B9D2: variants seen among roughly 807,000 people sequenced by gnomAD.
B9D2 encodes B9 domain-containing protein 2.
A neutral mutation model predicts 19.2 loss-of-function variants in B9D2; 21 were observed. The observed-to-expected ratio is 1.09, with a 90% CI of 0.78 to 1.58. The LOEUF (loss-of-function observed/expected upper bound fraction) is 1.58. Among genes scored for constraint, B9D2 ranks in the 40% most tolerant of loss-of-function variants. B9D2 has a pLI of 0.00. For synonymous variants in B9D2, 91 were observed against 100.6 expected (o/e 0.90, Z 0.57); for missense variants, 221 against 244.3 (o/e 0.90, Z 0.64).
Position 41,354,940 on chromosome 19 carries a change from A to G in B9D2, c.288T>C (p.Phe96=). The G allele has an allele frequency of 6.2e-7, 1 of 1,613,164 alleles. No individual in the cohort carries two copies. Among genetic ancestry groups the G allele is most frequent in the Non-Finnish European group, 8.5e-7 (1 of 1,179,702 alleles). The change falls in exon 4 of 4, where the codon TTT becomes TTC. Residue 96 remains phenylalanine (F), a synonymous_variant. Transcript: ENST00000243578. Reference sequence around the variant, plus strand: ...TGCCCGGGCTACTGGGCACATGGCAAAATCCATAGCCTGCAAGCTGGCAGC... The same window carrying G: ...TGCCCGGGCTACTGGGCACATGGCAGAATCCATAGCCTGCAAGCTGGCAGC... ...FGRCQLAGYG[F]CHVPSSPGTH...
chr19:41,359,951 C>G (rs1382697163), intron 2 of B9D2, among the ~76,000 whole-genome samples: 1 of 152,100 alleles, frequency 6.6e-6, no homozygotes, highest in African/African-American at 2.4e-5. Context: ...CCACTTCTGA[C>G]TCCCCACCTC....
chr19:41,357,229 C>G (rs1056774156), intron 3 of B9D2, among the ~76,000 whole-genome samples: 1 of 152,156 alleles, frequency 6.6e-6, no homozygotes, highest in Non-Finnish European at 1.5e-5. Context: ...CCTGCCCACT[C>G]TGAGGTGCCA....
At chr19:41,356,220 G>C (rs559050759) in intron 3 of B9D2, among the ~76,000 whole-genome samples, 1 of 152,292 alleles carries the variant, frequency 6.6e-6, no homozygotes, top group East Asian at 1.9e-4. Flanking sequence ...GCTGCATGTG[G>C]GGTGCAGACC....
At position 41,363,451 on chromosome 19, in the gene B9D2, G is replaced by A; in HGVS notation, c.69C>T (p.Cys23=). 2 of 1,614,172 alleles carry A rather than the reference G, an allele frequency of 1.2e-6. No individual in the cohort carries two copies. Among genetic ancestry groups the A allele is most frequent in the Non-Finnish European group, 1.7e-6 (2 of 1,180,018 alleles). ...GAATACCTGTGTGAATGCCCCACTT[G>A]CAGAAGAGGCTACTTTCCGAGAAAC... ...ASGFSESSLF[C]KWGIHTGAAW... Residue 23 remains cysteine, a synonymous_variant, in exon 2 of 4, where the codon TGC becomes TGT. Coordinates refer to ENST00000243578, the MANE Select transcript of B9D2 (RefSeq NM_030578.4).
rs565629426 is a variant in B9D2 at position 41,354,930 on chromosome 19, G to A, written c.298C>T (p.Pro100Ser). The A allele has an allele frequency of 6.2e-7, 1 of 1,613,284 alleles. No homozygotes were observed. The highest frequency in any genetic ancestry group is 1.7e-5 in the Admixed American group (1 of 59,970). ...QLAGYGFCHV[P>S]SSPGTHQLAC... Reference sequence around the variant, plus strand: ...AGCTGGTGGGTGCCCGGGCTACTGGGCACATGGCAAAATCCATAGCCTGCA... The same window carrying A: ...AGCTGGTGGGTGCCCGGGCTACTGGACACATGGCAAAATCCATAGCCTGCA... Residue 100 changes from proline to serine, a missense_variant, in exon 4 of 4, where the codon CCC becomes TCC. Transcript: ENST00000243578.
chr19:41,362,593 G>A (rs1020376333), intron 2 of B9D2, among the ~76,000 whole-genome samples: 2 of 152,168 alleles, frequency 1.3e-5, no homozygotes, highest in Middle Eastern at 3.4e-3. Flanking sequence ...GTTGATACTC[G>A]TTTAGTACTC....
chr19:41,356,575 G>A (rs2123129995), intron 3 of B9D2, among the ~76,000 whole-genome samples: 1 of 152,150 alleles, frequency 6.6e-6, no homozygotes, highest in South Asian at 2.1e-4. Flanking sequence ...CAGGCGCGGT[G>A]GCTCATGCCT....
At position 41,362,293 on chromosome 19, in the gene B9D2, G is replaced by A. The variant is rs551967506; in HGVS notation, c.88+1139C>T. The stretch of plus-strand genomic sequence containing the variant: ...TAGTCCCAGCTATGCAGGAGGCTGA[G>A]GCAGGAGAATGGCATGAACCTGGAA... On this transcript the variant is annotated intron_variant, in intron 2 of 3. Coordinates refer to ENST00000243578, the MANE Select transcript of B9D2 (RefSeq NM_030578.4). 2.0e-5 allele frequency among the ~76,000 whole-genome samples: 3 copies of A among 149,526 alleles called. No homozygotes were observed. In the East Asian group the frequency reaches 5.9e-4, roughly 29 times the overall value.
At chr19:41,363,545 C>T (rs748449016) in intron 1 of B9D2, 22 bp from the exon 2 acceptor site, 16 of 1,604,970 alleles carry the variant, frequency 1.0e-5, no homozygotes, top group East Asian at 2.2e-5. Flanking sequence ...AAAATATAAT[C>T]ACAACCCTGT....
intron 3 of B9D2, among the ~76,000 whole-genome samples, chr19:41,356,203 G>T (rs992259109): frequency 2.6e-5 from 4 of 152,164 alleles, no homozygotes; most frequent in Non-Finnish European, 5.9e-5. Flanking sequence ...GTGTTCACAG[G>T]GTCCCAGCTG....
chr19:41,354,786 G>A lies in B9D2; in HGVS notation c.442C>T (p.Arg148Cys), dbSNP rs143135106. Reference sequence around the variant, plus strand: ...GTGCCACCAGCAGCTGTGTGCAGGCGATAGCGGTCGGCCCCACTGTAGATG... The same window carrying A: ...GTGCCACCAGCAGCTGTGTGCAGGCAATAGCGGTCGGCCCCACTGTAGATG... Reference protein sequence around the residue: ...DTIYSGADRYRLHTAAGGTVH... With the variant: ...DTIYSGADRYCLHTAAGGTVH... Residue 148 changes from arginine (R) to cysteine (C), a missense_variant, in exon 4 of 4, where the codon CGC (arginine) becomes TGC (cysteine). Arg to Cys is a radical substitution (Grantham distance 180, BLOSUM62 -3). Coordinates refer to ENST00000243578, the MANE Select transcript of B9D2 (RefSeq NM_030578.4). The A allele has an allele frequency of 5.0e-6, 8 of 1,614,026 alleles. No individual in the cohort carries two copies. Among genetic ancestry groups the A allele is most frequent in the East Asian group, 2.2e-5 (1 of 44,882 alleles).
Position 41,358,079 on chromosome 19 carries a change from C to T in B9D2, c.89-57G>A, listed in dbSNP as rs191089800. On this transcript the variant is annotated intron_variant, in intron 2 of 3. Coordinates refer to ENST00000243578, the MANE Select transcript of B9D2 (RefSeq NM_030578.4). ...GAGGCAGCCATCGGGAAGGGGATGC[C>T]GCTGTGGCTATAGGACTGTTTCTCT... 1,199 of 1,609,854 alleles carry T rather than the reference C, an allele frequency of 7.4e-4. 2 individuals are homozygous for T. The highest frequency in any genetic ancestry group is 1.5e-3 in the Middle Eastern group (9 of 6,050).
rs542079337 is a variant in B9D2, at chr19:41,363,968, T to C, written c.-15A>G. On this transcript the variant is annotated 5_prime_UTR_variant, in exon 1 of 4. Coordinates refer to ENST00000243578, the MANE Select transcript of B9D2 (RefSeq NM_030578.4). ...ATGCGTCATTCCTACCTTAGCGCAC[T>C]TAACGGTTAGGAGAGGAGAAAGCGG... The C allele has an allele frequency of 9.8e-5, 28 of 284,936 alleles. No homozygotes were observed. Among genetic ancestry groups the C allele is most frequent in the African/African-American group, 3.3e-4 (15 of 45,448 alleles). The allele number at this position is 284,936 out of a possible 1,614,324, so 17.7% of individuals were successfully genotyped here.
At position 41,354,715 on chromosome 19, in the gene B9D2, G is replaced by C. The variant is rs143680317; in HGVS notation, c.513C>G (p.Tyr171Ter). Residue 171 changes from tyrosine to a stop codon, truncating the protein, a stop_gained, in exon 4 of 4, where the codon TAC becomes TAG. Transcript: ENST00000243578. LOFTEE classifies it high-confidence loss of function. ...IGLLLRNFDR[Y>*]GVEC Reference sequence around the variant, plus strand: ...GCAGAGTCCCTCAGCACTCCACGCCGTAGCGGTCGAAGTTGCGGAGCAGCA... The same window carrying C: ...GCAGAGTCCCTCAGCACTCCACGCCCTAGCGGTCGAAGTTGCGGAGCAGCA... 3 of 1,614,022 alleles carry C rather than the reference G, an allele frequency of 1.9e-6. No individual in the cohort carries two copies. Among genetic ancestry groups the C allele is most frequent in the East Asian group, 4.5e-5 (2 of 44,886 alleles).
intron 3 of B9D2, 99 bp downstream of exon 3, chr19:41,357,798 G>T: frequency 6.5e-7 from 1 of 1,539,686 alleles, no homozygotes; most frequent in Non-Finnish European, 8.9e-7. Flanking sequence ...ACGTGGTATG[G>T]GGAGCAGGGA....
At chr19:41,356,154 G>A (rs1269815060) in intron 3 of B9D2, among the ~76,000 whole-genome samples, 1 of 152,140 alleles carries the variant, frequency 6.6e-6, no homozygotes, top group Admixed American at 6.6e-5. Context: ...GGGGACCATT[G>A]GAGGGTTCTG....
intron 2 of B9D2, chr19:41,363,151 C>A (rs947079031): frequency 6.5e-6 from 3 of 459,588 alleles, no homozygotes; most frequent in Non-Finnish European, 1.2e-5. Context: ...GAGGCTGAGG[C>A]GGGAGGATCA....
chr19:41,354,482 C>A lies in B9D2; in HGVS notation c.*218G>T. ...GGCTAAGCAGCCTCCTGTCACTCAA[C>A]ACCCTGCGACCCCATACATTTACTG... On this transcript the variant is annotated 3_prime_UTR_variant, in exon 4 of 4. Transcript: ENST00000243578. The A allele has an allele frequency of 1.5e-6, 1 of 648,488 alleles. No homozygotes were observed. Among genetic ancestry groups the A allele is most frequent in the Non-Finnish European group, 2.7e-6 (1 of 368,916 alleles). 40.2% of individuals were successfully genotyped at this position (648,488 alleles called of 1,614,324 possible).
At position 41,354,744 on chromosome 19, in the gene B9D2, C is replaced by A. The variant is rs760322583; in HGVS notation, c.484G>T (p.Gly162Cys). The A allele has an allele frequency of 5.2e-5, 84 of 1,614,004 alleles. 2 individuals are homozygous for A. The Middle Eastern group carries it at 9.9e-4, about 19-fold the overall frequency. The change falls in exon 4 of 4, where the codon GGC becomes TGC. Residue 162 changes from glycine to cysteine, a missense_variant. Gly to Cys is a radical substitution (Grantham distance 159). Transcript: ENST00000243578. ...AAGGTVHLEIGLLLRNFDRYG... is the reference protein window; with the variant it reads ...AAGGTVHLEICLLLRNFDRYG... Reference sequence around the variant, plus strand: ...CGGTCGAAGTTGCGGAGCAGCAGGCCGATCTCCAGGTGCACGGTGCCACCA... The same window carrying A: ...CGGTCGAAGTTGCGGAGCAGCAGGCAGATCTCCAGGTGCACGGTGCCACCA...
Sources: gnomAD v4.1 joint callset for allele counts (sites outside exome capture counted in the v4.1 genomes callset) on GRCh38, gnomAD v4.1.1 for gene constraint, MANE v1.5 for transcripts, NCBI Gene and HGNC (gene_info 2026-07-23, HGNC 2026-07-21) for gene names.